SDK2: variants seen among roughly 807,000 people sequenced by gnomAD.
SDK2 encodes the protein protein sidekick-2.
In SDK2, 105 loss-of-function variants were observed where a neutral mutation model predicts 253.9. The ratio of observed to expected loss-of-function variants is 0.41; its 90% confidence interval spans 0.35 to 0.49. SDK2 has a LOEUF of 0.49. SDK2 is among the 20% of genes least tolerant of loss of function. SDK2 has a pLI of 0.06. For synonymous variants in SDK2, 1,249 were observed against 1,234.9 expected (o/e 1.01, Z -0.24); for missense variants, 2,608 against 3,003.0 (o/e 0.87, Z 3.07).
At chr17:73,394,996 G>C (rs182292394) in intron 25 of SDK2, among the ~76,000 whole-genome samples, 159 bp downstream of exon 25, 68 of 152,300 alleles carry the variant, frequency 4.5e-4, no homozygotes, top group African/African-American at 1.6e-3. Context: ...TGCTGGGAGA[G>C]GCGGCAACAT....
At chr17:73,358,248 C>T (rs777072226) in intron 39 of SDK2, 44 bp from the exon 40 acceptor site, 5 of 1,550,892 alleles carry the variant, frequency 3.2e-6, no homozygotes, top group African/African-American at 2.8e-5. Flanking sequence ...GAACCCAGAA[C>T]AGCCACCCAG....
intron 1 of SDK2, among the ~76,000 whole-genome samples, chr17:73,593,632 C>A (rs111467864): frequency 2.0e-5 from 3 of 152,208 alleles, no homozygotes; most frequent in Non-Finnish European, 4.4e-5. Flanking sequence ...CAGTGCCCCC[C>A]CAAAGTGTGC....
At chr17:73,607,214 A>G (rs540037773) in intron 1 of SDK2, among the ~76,000 whole-genome samples, 1 of 152,354 alleles carries the variant, frequency 6.6e-6, no homozygotes, top group South Asian at 2.1e-4. Context: ...CTAAGGAGGA[A>G]GAGAGGAGTT....
intron 1 of SDK2, among the ~76,000 whole-genome samples, chr17:73,567,046 A>G (rs997488075): frequency 3.3e-5 from 5 of 152,056 alleles, no homozygotes; most frequent in Non-Finnish European, 5.9e-5. Flanking sequence ...AGACACTGGA[A>G]AAAAAAAGAC....
At chr17:73,505,068 T>G (rs552300562) in intron 2 of SDK2, among the ~76,000 whole-genome samples, 3 of 152,314 alleles carry the variant, frequency 2.0e-5, no homozygotes, top group African/African-American at 7.2e-5. Flanking sequence ...CTATTTCCCT[T>G]GAATAACTTC....
chr17:73,401,294 C>T, intron 20 of SDK2, 83 bp from the exon 21 acceptor site: 1 of 1,288,690 alleles, frequency 7.8e-7, no homozygotes, highest in Non-Finnish European at 1.1e-6. Flanking sequence ...CACTTCTCCA[C>T]TAGGCTGGCA....
rs754756182 is a variant in SDK2 at position 73,415,944 on chromosome 17, C to T, written c.2235G>A (p.Thr745=). Reference sequence around the variant, plus strand: ...GCAGCAGGTTGTTCACATCAGCATCCGTGATGTTCTTAAACTGGTACCCCA... The same window carrying T: ...GCAGCAGGTTGTTCACATCAGCATCTGTGATGTTCTTAAACTGGTACCCCA... ...LPVGYQFKNI[T]DADVNNLLLE... is the part of the protein sequence containing the mutation. The change falls in exon 17 of 45, where the codon ACG becomes ACA. Residue 745 remains threonine (T), a synonymous_variant. Transcript: ENST00000392650. The T allele has an allele frequency of 5.6e-6, 9 of 1,611,440 alleles. No homozygotes were observed. The highest frequency in any genetic ancestry group is 5.3e-5 in the African/African-American group (4 of 74,880).
Position 73,340,734 on chromosome 17 carries a change from G to GTTTGT in SDK2, c.6166-1795_6166-1794insACAAA, listed in dbSNP as rs1477371864. On this transcript the variant is annotated intron_variant, in intron 44 of 44. Transcript: ENST00000392650. ...ATTTTCATGTAATGAAAACCTTAAA[G>GTTTGT]TTTTTTTTTTTTTTTTTTTTTTTTT... Among the ~76,000 whole-genome samples, 102 of 77,548 alleles carry GTTTGT rather than the reference G, an allele frequency of 1.3e-3. 5 individuals are homozygous for GTTTGT. Among genetic ancestry groups the GTTTGT allele is most frequent in the Middle Eastern group, 0.017 (1 of 60 alleles). The allele number at this position is 77,548 out of a possible 152,430, so 50.9% of individuals were successfully genotyped here. A position where few individuals can be genotyped will look rare whatever the true frequency, so the allele number is the denominator to read the frequency against.
chr17:73,492,622 A>T (rs993848677), intron 2 of SDK2, among the ~76,000 whole-genome samples: 1 of 151,554 alleles, frequency 6.6e-6, no homozygotes, highest in African/African-American at 2.4e-5. Flanking sequence ...CAAAACCCCT[A>T]TTTTCAACCC....
At chr17:73,442,884 T>C (rs371990845) in intron 5 of SDK2, among the ~76,000 whole-genome samples, 1 of 151,432 alleles carries the variant, frequency 6.6e-6, no homozygotes, top group African/African-American at 2.4e-5. Context: ...CAATTCCTTT[T>C]TTTTATATTT....
chr17:73,526,019 A>G (rs1415019100), intron 1 of SDK2, among the ~76,000 whole-genome samples: 1 of 152,236 alleles, frequency 6.6e-6, no homozygotes, highest in Non-Finnish European at 1.5e-5. Flanking sequence ...CAAGTGCGCG[A>G]CAGAGTGAAG....
intron 1 of SDK2, among the ~76,000 whole-genome samples, chr17:73,596,223 G>A (rs951788772): frequency 3.9e-5 from 6 of 152,150 alleles, no homozygotes; most frequent in Non-Finnish European, 5.9e-5. Context: ...AGAGGGACCC[G>A]CAGGGTGAGT....
At chr17:73,485,070 C>T (rs1312126519) in intron 2 of SDK2, among the ~76,000 whole-genome samples, 2 of 152,178 alleles carry the variant, frequency 1.3e-5, no homozygotes, top group Non-Finnish European at 2.9e-5. Flanking sequence ...TAAGGTCACA[C>T]TCTGAGGCAC....
Position 73,435,497 on chromosome 17 carries a change from C to T in SDK2, c.1148G>A (p.Arg383His), listed in dbSNP as rs772225750. 11 of 1,600,288 alleles carry T rather than the reference C, an allele frequency of 6.9e-6. No homozygotes were observed. The highest frequency in any genetic ancestry group is 3.4e-5 in the Admixed American group (2 of 58,426). ...DDTGMFQCFA[R>H]NAAGEVQTST... The stretch of plus-strand genomic sequence containing the variant: ...AGTTTGCACCTCGCCGGCTGCATTG[C>T]GGGCGAAGCACTGGAACATGCCGGT... The change falls in exon 9 of 45, where the codon CGC (arginine) becomes CAC (histidine). Residue 383 changes from arginine (R) to histidine (H), a missense_variant. Around this residue, in one of 2 missense-constraint regions of SDK2, gnomAD observed 1,505 missense variants for 1,859.1 expected, o/e 0.81. Coordinates refer to ENST00000392650, the MANE Select transcript of SDK2 (RefSeq NM_001144952.2). The surrounding 1 kb of genome is among the most constrained non-coding windows in gnomAD (Gnocchi z 5.7).
chr17:73,470,208 T>G (rs2063638669), intron 3 of SDK2, among the ~76,000 whole-genome samples: 1 of 151,684 alleles, frequency 6.6e-6, no homozygotes, highest in Admixed American at 6.6e-5. Context: ...ATGCTTACAA[T>G]ACACATTCTC....
chr17:73,564,164 A>G (rs1567845303), intron 1 of SDK2, among the ~76,000 whole-genome samples: 1 of 152,188 alleles, frequency 6.6e-6, no homozygotes, highest in African/African-American at 2.4e-5. Context: ...ATTTACTTAG[A>G]GCTGTTCGAT....
chr17:73,411,788 AT>A (rs33985713), intron 18 of SDK2, among the ~76,000 whole-genome samples: 4,357 of 135,708 alleles, frequency 0.032, 172 homozygotes, highest in East Asian at 0.16. Flanking sequence ...TATTACTGCT[AT>A]TTTTTTTTTT....
In SDK2 at chr17:73,601,324, G is replaced by C. The variant is rs917224272; in HGVS notation, c.64+42701C>G. Among the ~76,000 whole-genome samples, 15 of 152,012 alleles carry C rather than the reference G, an allele frequency of 9.9e-5. 1 individual carries two copies. Among genetic ancestry groups the C allele is most frequent in the Admixed American group, 7.9e-4 (12 of 15,270 alleles). ...TGTGAGCCACCGCGCCTGGCCTTACGAATGATCTAAGTTTAAGCACATGGA... is the reference window on the plus strand; with the variant it reads ...TGTGAGCCACCGCGCCTGGCCTTACCAATGATCTAAGTTTAAGCACATGGA... On this transcript the variant is annotated intron_variant, in intron 1 of 44. Transcript: ENST00000392650.
rs1024126401 is a variant in SDK2, at chr17:73,466,725, C to CT, written c.331+5386_331+5387insA. ...GAGGCTCTGGGGAACGCCCCCCCCC[C>CT]CCGGCTTAGGCTCTGCATCTTTGGG... is the stretch of plus-strand genomic sequence containing the variant. On this transcript the variant is annotated intron_variant, in intron 3 of 44. Transcript: ENST00000392650. Among the ~76,000 whole-genome samples, 31 of 145,522 alleles carry CT rather than the reference C, an allele frequency of 2.1e-4. 1 individual carries two copies. The highest frequency in any genetic ancestry group is 2.2e-4 in the South Asian group (1 of 4,640).
Sources: allele counts gnomAD v4.1 joint callset (sites outside exome capture counted in the v4.1 genomes callset), GRCh38; gene constraint gnomAD v4.1.1; regional missense constraint gnomAD v4.1.1; non-coding constraint Gnocchi (gnomAD v3.1); transcripts MANE v1.5; gene names NCBI Gene and HGNC (gene_info 2026-07-23, HGNC 2026-07-21).